The following GPC4 variants were observed in gnomAD, a reference collection of about 807,000 sequenced individuals.
The protein encoded by GPC4 is glypican-4.
In GPC4, 10 loss-of-function variants were observed where a neutral mutation model predicts 35.0. The ratio of observed to expected loss-of-function variants is 0.29; its 90% CI spans 0.18 to 0.48. GPC4 has a LOEUF of 0.48. Ranked by LOEUF, GPC4 falls within the 20% of genes least tolerant of loss-of-function variation. The pLI is 0.99. For missense variants in GPC4, 322 were observed against 451.3 expected, an observed-to-expected ratio of 0.71 and a Z score of 2.60; for synonymous variants, 167 against 170.2, an observed-to-expected ratio of 0.98 and a Z score of 0.15.
chrX:133,304,899 T>A, intron 6 of GPC4, 38 bp from the exon 7 acceptor site: 2 of 1,191,252 alleles, frequency 1.7e-6, no homozygotes, highest in African/African-American at 3.5e-5. Context: ...AAGATCATTG[T>A]AAGACAAGAC....
chrX:133,382,424 C>CAAA (rs1284709655), intron 1 of GPC4, among the ~76,000 whole-genome samples: 2 of 15,611 alleles, frequency 1.3e-4, no homozygotes, highest in African/African-American at 5.3e-4. Context: ...GACTCCGTCT[C>CAAA]AAAAAAAAAA....
At position 133,339,316 on chromosome X, in the gene GPC4, C is replaced by G. The variant is rs1257429483; in HGVS notation, c.186G>C (p.Gln62His). 2 of 1,210,216 alleles carry G rather than the reference C, an allele frequency of 1.7e-6. No homozygotes were observed. Among genetic ancestry groups the G allele is most frequent in the African/African-American group, 3.5e-5 (2 of 57,695 alleles). The change falls in exon 2 of 9, where the codon CAG becomes CAC. Residue 62 changes from glutamine (Q) to histidine (H), a missense_variant. Physicochemically the swap from Gln to His is conservative, Grantham distance 24 (BLOSUM62 0). This residue lies in a region of GPC4 where 60 missense variants were observed against 64.1 expected (regional missense o/e 0.94). Coordinates refer to ENST00000370828, the MANE Select transcript of GPC4 (RefSeq NM_001448.3). ...INGDHLKICPQGSTCCSQEME... is the reference protein window; with the variant it reads ...INGDHLKICPHGSTCCSQEME... ...TCTCTTGAGAGCAGCAGGTAGAACC[C>G]TGGGGACAGATCTTCAAATGATCAC...
At chrX:133,357,397 A>T (rs1219506463) in intron 1 of GPC4, among the ~76,000 whole-genome samples, 9 of 100,381 alleles carry the variant, frequency 9.0e-5, no homozygotes, top group South Asian at 9.8e-4. Context: ...AAAAAAAAAA[A>T]TTTTTTTTTT....
intron 4 of GPC4, among the ~76,000 whole-genome samples, chrX:133,310,657 T>G (rs2068310803): frequency 8.9e-6 from 1 of 112,070 alleles, no homozygotes; most frequent in African/African-American, 3.2e-5. Flanking sequence ...TCAATCAGAT[T>G]TCACCTGATC....
At chrX:133,350,957 A>G (rs1253136613) in intron 1 of GPC4, among the ~76,000 whole-genome samples, 1 of 112,622 alleles carries the variant, frequency 8.9e-6, no homozygotes, top group African/African-American at 3.2e-5. Context: ...GAAGTCTTCA[A>G]GCAGCATGTT....
At chrX:133,306,270 G>C in intron 4 of GPC4, 116 bp from the exon 5 acceptor site, 1 of 775,177 alleles carries the variant, frequency 1.3e-6, no homozygotes, top group South Asian at 2.4e-5. Flanking sequence ...GGCAGGGGAA[G>C]TAAGGCATGG....
chrX:133,304,204 G>A (rs1256347465), intron 7 of GPC4, among the ~76,000 whole-genome samples: 2 of 109,873 alleles, frequency 1.8e-5, no homozygotes, highest in Non-Finnish European at 3.8e-5. Context: ...GGAGACTGAG[G>A]CAGGAGAATC....
In GPC4 at chrX:133,302,128, G is replaced by C. The variant is rs187722094; in HGVS notation, c.*739C>G. 3.6e-5 allele frequency: 4 copies of C among 112,088 alleles called. 1 individual carries two copies. The Admixed American group carries it at 3.8e-4, about 11-fold the overall frequency. 9.2% of individuals were successfully genotyped at this position (112,088 alleles called of 1,213,427 possible). On this transcript the variant is annotated 3_prime_UTR_variant, in exon 9 of 9. Transcript: ENST00000370828. ...TATGTATAAGTGGGTTCAAGAAATG[G>C]ACCTATAGTGATCTTAGCTTATGTA...
intron 1 of GPC4, among the ~76,000 whole-genome samples, chrX:133,378,203 T>C (rs1440906507): frequency 1.8e-5 from 2 of 111,372 alleles, no homozygotes; most frequent in Non-Finnish European, 3.8e-5. Context: ...TGGTTTTTAG[T>C]GTATTCAAAG....
intron 1 of GPC4, among the ~76,000 whole-genome samples, chrX:133,371,057 A>G (rs2068610807): frequency 8.9e-6 from 1 of 112,167 alleles, no homozygotes. Context: ...GTGGGTGTGT[A>G]TACACCCAGA....
intron 1 of GPC4, among the ~76,000 whole-genome samples, chrX:133,386,234 C>CAAA (rs1297804504): frequency 2.8e-5 from 1 of 36,091 alleles, no homozygotes; most frequent in African/African-American, 8.0e-5. Context: ...GACCCTGTCT[C>CAAA]AAAAAAAAAA....
chrX:133,322,327 C>T (rs1283946590), intron 3 of GPC4, among the ~76,000 whole-genome samples: 1 of 110,530 alleles, frequency 9.0e-6, no homozygotes, highest in Non-Finnish European at 1.9e-5. Context: ...GCCTGTAATC[C>T]CAGCTACTAG....
At chrX:133,316,926 C>T (rs1376095216) in intron 3 of GPC4, among the ~76,000 whole-genome samples, 1 of 111,860 alleles carries the variant, frequency 8.9e-6, no homozygotes, top group Admixed American at 9.5e-5. Flanking sequence ...CAGAGATGAT[C>T]AATTCCTACT....
At chrX:133,342,781 A>G (rs2063085219) in intron 1 of GPC4, among the ~76,000 whole-genome samples, 2 of 111,005 alleles carry the variant, frequency 1.8e-5, no homozygotes, top group South Asian at 7.8e-4. Context: ...CTGGTAAAAA[A>G]TCTTTGAAGA....
chrX:133,301,729 C>T lies in GPC4; in HGVS notation c.*1138G>A, dbSNP rs2068267770. On this transcript the variant is annotated 3_prime_UTR_variant, in exon 9 of 9. Transcript: ENST00000370828. ...AGGTAAGAAAAAGACTCAAATGAGA[C>T]ACCTTATACTCTCTTAAAACAAAAA... is the stretch of plus-strand genomic sequence containing the variant. 8.9e-6 allele frequency: 1 copy of T among 112,116 alleles called. No individual in the cohort carries two copies. The highest frequency in any genetic ancestry group is 4.6e-3 in the Middle Eastern group (1 of 216). 9.2% of individuals were successfully genotyped at this position (112,116 alleles called of 1,213,427 possible).
At chrX:133,363,851 C>T (rs369507077) in intron 1 of GPC4, among the ~76,000 whole-genome samples, 7 of 111,650 alleles carry the variant, frequency 6.3e-5, no homozygotes, top group African/African-American at 2.3e-4. Flanking sequence ...CCAACACACA[C>T]ACCAGCCCTG....
intron 2 of GPC4, among the ~76,000 whole-genome samples, chrX:133,333,162 C>A (rs978355295): frequency 8.9e-6 from 1 of 112,379 alleles, no homozygotes; most frequent in African/African-American, 3.2e-5. Flanking sequence ...TTTGCCTGGA[C>A]AGACAGACAC....
chrX:133,358,359 AT>A (rs1171363790), intron 1 of GPC4, among the ~76,000 whole-genome samples: 3 of 112,333 alleles, frequency 2.7e-5, no homozygotes, highest in Admixed American at 1.9e-4. Context: ...CATGAATAAA[AT>A]TCAAAAGATT....
chrX:133,322,098 AGTGACCC>A (rs1341408149), intron 3 of GPC4, among the ~76,000 whole-genome samples: 1 of 111,410 alleles, frequency 9.0e-6, no homozygotes, highest in African/African-American at 3.3e-5. Flanking sequence ...CTCCAACTAG[AGTGACCC>A]GTGTATCCTG....
Sources: allele counts gnomAD v4.1 joint callset (sites outside exome capture counted in the v4.1 genomes callset), GRCh38; gene constraint gnomAD v4.1.1; regional missense constraint gnomAD v4.1.1; transcripts MANE v1.5; gene names NCBI Gene and HGNC (gene_info 2026-07-23, HGNC 2026-07-21).